SGCZ: variants seen among roughly 807,000 people sequenced by gnomAD.
SGCZ encodes sarcoglycan zeta.
In SGCZ, 40 loss-of-function variants were observed where a neutral mutation model predicts 41.3. That is an observed-to-expected ratio of 0.97 (90% confidence interval 0.75 to 1.26). The LOEUF is 1.26. Among genes scored for constraint, SGCZ ranks in the 50% most tolerant of loss-of-function variants. The pLI, the probability that SGCZ is intolerant of heterozygous loss-of-function variation, is 0.00. For missense variants in SGCZ, 552 were observed against 369.8 expected (o/e 1.49, Z -4.04); for synonymous variants, 206 against 137.5 (o/e 1.50, Z -3.49).
intron 5 of SGCZ, among the ~76,000 whole-genome samples, chr8:14,135,496 G>A (rs1312803423): frequency 6.6e-6 from 1 of 152,134 alleles, no homozygotes. Flanking sequence ...TGACTATCTT[G>A]AGTAGTCATG....
At chr8:14,505,405 T>C (rs373299053) in intron 2 of SGCZ, among the ~76,000 whole-genome samples, 34 of 152,252 alleles carry the variant, frequency 2.2e-4, no homozygotes, top group Non-Finnish European at 3.4e-4. Context: ...TCTGAAGTTA[T>C]TCTAGCAAAT....
In SGCZ at chr8:15,045,925, T is replaced by C. The variant is rs538192321; in HGVS notation, c.39+191660A>G. ...ATGAGATAAACTAATATCCAGATAC[T>C]GGGTAATACATTTTTCCCATTTAAA... is the stretch of plus-strand genomic sequence containing the variant. On this transcript the variant is annotated intron_variant, in intron 1 of 7. Coordinates refer to ENST00000382080, the MANE Select transcript of SGCZ (RefSeq NM_139167.4). 2.6e-5 allele frequency among the ~76,000 whole-genome samples: 4 copies of C among 152,226 alleles called. No individual in the cohort carries two copies. The South Asian group carries it at 6.2e-4, about 24-fold the overall frequency.
intron 1 of SGCZ, among the ~76,000 whole-genome samples, chr8:15,093,187 T>G (rs1806214210): frequency 6.6e-6 from 1 of 152,186 alleles, no homozygotes; most frequent in Admixed American, 6.5e-5. Flanking sequence ...TTCTCTGACA[T>G]AGGTGACATG....
At chr8:15,123,712 G>A (rs1807569939) in intron 1 of SGCZ, among the ~76,000 whole-genome samples, 1 of 152,154 alleles carries the variant, frequency 6.6e-6, no homozygotes, top group South Asian at 2.1e-4. Context: ...GGTGAACAAG[G>A]CACCTACCCT....
intron 7 of SGCZ, among the ~76,000 whole-genome samples, chr8:14,100,611 T>TTGAA (rs1801989754): frequency 3.5e-5 from 5 of 143,644 alleles, no homozygotes; most frequent in Middle Eastern, 3.7e-3. Context: ...TAATTTATAT[T>TTGAA]AATATATTAA....
At chr8:14,490,609 AT>A (rs1258021387) in intron 2 of SGCZ, among the ~76,000 whole-genome samples, 1 of 152,240 alleles carries the variant, frequency 6.6e-6, no homozygotes, top group African/African-American at 2.4e-5. Flanking sequence ...ATTCATAGAA[AT>A]AAGTGTTGAT....
At chr8:14,796,191 G>A (rs1418252221) in intron 1 of SGCZ, among the ~76,000 whole-genome samples, 3 of 152,226 alleles carry the variant, frequency 2.0e-5, no homozygotes, top group Admixed American at 2.0e-4. Flanking sequence ...TATACACTCA[G>A]TAAAGGAATT....
At chr8:14,522,659 T>A (rs1014477091) in intron 2 of SGCZ, among the ~76,000 whole-genome samples, 48 of 151,868 alleles carry the variant, frequency 3.2e-4, no homozygotes, top group Non-Finnish European at 5.5e-4. Flanking sequence ...GTCATTTTTT[T>A]TAAAAAATAC....
chr8:14,555,851 C>T (rs868766149), intron 1 of SGCZ, among the ~76,000 whole-genome samples: 10 of 151,972 alleles, frequency 6.6e-5, no homozygotes, highest in South Asian at 2.1e-4. Context: ...CAATAGCTAT[C>T]AAATTAAGTT....
intron 1 of SGCZ, among the ~76,000 whole-genome samples, chr8:15,031,500 G>A (rs1373140783): frequency 2.0e-5 from 3 of 152,048 alleles, no homozygotes; most frequent in East Asian, 1.9e-4. Context: ...CAACATGCTC[G>A]CCACCCCTGA....
chr8:14,471,260 T>C (rs541445802), intron 2 of SGCZ, among the ~76,000 whole-genome samples: 5 of 152,276 alleles, frequency 3.3e-5, no homozygotes, highest in African/African-American at 1.2e-4. Flanking sequence ...GTTTGACTCA[T>C]GTAGTGTACT....
chr8:15,145,905 A>C (rs1272848537), intron 1 of SGCZ, among the ~76,000 whole-genome samples: 1 of 152,200 alleles, frequency 6.6e-6, no homozygotes, highest in Non-Finnish European at 1.5e-5. Context: ...CTAGAACTTG[A>C]ATAAAAATGA....
intron 2 of SGCZ, among the ~76,000 whole-genome samples, chr8:14,520,213 T>C (rs10094460): frequency 6.6e-6 from 1 of 152,008 alleles, no homozygotes; most frequent in Admixed American, 6.6e-5. Flanking sequence ...AAACAAAATA[T>C]TATTTTTTCT....
intron 1 of SGCZ, among the ~76,000 whole-genome samples, chr8:14,584,241 G>A (rs1804987467): frequency 6.6e-6 from 1 of 152,140 alleles, no homozygotes; most frequent in Non-Finnish European, 1.5e-5. Flanking sequence ...TTTAAATCAT[G>A]AAAAGAGAGG....
intron 1 of SGCZ, among the ~76,000 whole-genome samples, chr8:15,223,677 A>G (rs1180191970): frequency 2.0e-5 from 3 of 152,174 alleles, no homozygotes; most frequent in African/African-American, 7.2e-5. Flanking sequence ...GGTAGAGAAC[A>G]TTAGTAGATA....
intron 1 of SGCZ, among the ~76,000 whole-genome samples, chr8:14,671,717 A>G (rs1808108584): frequency 1.3e-5 from 2 of 152,162 alleles, no homozygotes; most frequent in Admixed American, 1.3e-4. Flanking sequence ...TACTTATAAT[A>G]AATATTTGGA....
chr8:14,231,070 A>G (rs1806549241), intron 4 of SGCZ, among the ~76,000 whole-genome samples: 1 of 151,786 alleles, frequency 6.6e-6, no homozygotes, highest in Non-Finnish European at 1.5e-5. Context: ...TAATCAGCCT[A>G]TGTGTATGGA....
chr8:14,213,109 G>A (rs1805872032), intron 4 of SGCZ, among the ~76,000 whole-genome samples: 1 of 152,122 alleles, frequency 6.6e-6, no homozygotes, highest in Non-Finnish European at 1.5e-5. Flanking sequence ...CAAAATTACA[G>A]AAGGAGAGGA....
intron 1 of SGCZ, among the ~76,000 whole-genome samples, chr8:14,871,141 A>T (rs547165359): frequency 6.6e-6 from 1 of 152,182 alleles, no homozygotes; most frequent in East Asian, 1.9e-4. Flanking sequence ...CAAGAGGCAG[A>T]GGTTAACGTG....
Sources: allele counts gnomAD v4.1 joint callset (sites outside exome capture counted in the v4.1 genomes callset), GRCh38; gene constraint gnomAD v4.1.1; transcripts MANE v1.5; gene names NCBI Gene and HGNC (gene_info 2026-07-23, HGNC 2026-07-21).